The following KATNA1 variants were observed in gnomAD, a reference collection of about 807,000 sequenced individuals.
KATNA1 encodes the protein katanin catalytic subunit A1, also known as katanin p60 ATPase-containing subunit A1.
Under a neutral mutation model 62.6 loss-of-function variants are expected in KATNA1, and 42 were observed. The observed-to-expected ratio is 0.67, with a 90% CI of 0.52 to 0.87. The LOEUF (loss-of-function observed/expected upper bound fraction) is 0.87, where lower values mean the gene tolerates loss of function less well. Ranked by LOEUF, KATNA1 falls within the 40% of genes least tolerant of loss-of-function variation. The pLI is 0.00. For synonymous variants in KATNA1, 186 were observed against 201.9 expected (o/e 0.92, Z 0.67); for missense variants, 498 against 612.5 (o/e 0.81, Z 1.97).
chr6:149,605,105 A>G (rs1363065179), intron 4 of KATNA1, among the ~76,000 whole-genome samples: 1 of 151,856 alleles, frequency 6.6e-6, no homozygotes, highest in African/African-American at 2.4e-5. Context: ...CCCGGGAGGC[A>G]GAGCTTGCAG....
intron 2 of KATNA1, among the ~76,000 whole-genome samples, chr6:149,633,121 G>A (rs1182906846): frequency 6.6e-5 from 2 of 30,166 alleles, no homozygotes; most frequent in Non-Finnish European, 1.3e-4. Flanking sequence ...TTTTTTTTTT[G>A]GAGATGGAGT....
chr6:149,618,334 C>T (rs111859921), intron 4 of KATNA1, among the ~76,000 whole-genome samples: 4,172 of 151,260 alleles, frequency 0.028, 167 homozygotes, highest in African/African-American at 0.095. Context: ...AAAAATTAGC[C>T]GGGCATGGTA....
chr6:149,617,388 A>G (rs1052227649), intron 4 of KATNA1, among the ~76,000 whole-genome samples: 8 of 152,256 alleles, frequency 5.3e-5, no homozygotes, highest in African/African-American at 1.9e-4. Flanking sequence ...TTGAATTTCT[A>G]TAGCTTAACA....
intron 4 of KATNA1, among the ~76,000 whole-genome samples, chr6:149,614,557 A>G (rs1447607539): frequency 1.3e-5 from 2 of 152,138 alleles, no homozygotes; most frequent in East Asian, 1.9e-4. Flanking sequence ...AGGATTGCTT[A>G]AGGCCAGGAT....
At position 149,603,380 on chromosome 6, in the gene KATNA1, G is replaced by A. The variant is rs976482081; in HGVS notation, c.624-7C>T. On this transcript the variant is annotated splice_polypyrimidine_tract_variant and splice_region_variant and intron_variant, in intron 5 of 10. Coordinates refer to ENST00000367411, the MANE Select transcript of KATNA1 (RefSeq NM_007044.4). ...TAAATCAGCGATATCATCCCTGAAA[G>A]AGAAGACATTTTATTAACAACCCTT... 8 of 1,417,802 alleles carry A rather than the reference G, an allele frequency of 5.6e-6. No homozygotes were observed. Among genetic ancestry groups the A allele is most frequent in the Non-Finnish European group, 7.9e-6 (8 of 1,007,460 alleles). 87.8% of individuals were successfully genotyped at this position (1,417,802 alleles called of 1,614,324 possible).
chr6:149,638,733 T>TTG, intron 1 of KATNA1, 173 bp from the exon 2 acceptor site: 1 of 330,604 alleles, frequency 3.0e-6, no homozygotes, highest in Non-Finnish European at 5.4e-6. Flanking sequence ...AAACATTGTT[T>TTG]TTTTTTTTTT....
chr6:149,598,459 T>A, intron 7 of KATNA1, 109 bp from the exon 8 acceptor site: 1 of 1,067,492 alleles, frequency 9.4e-7, no homozygotes, highest in Non-Finnish European at 1.4e-6. Context: ...GCACAGTGGC[T>A]CACACCTGTA....
At chr6:149,600,023 G>C (rs2115079166) in intron 7 of KATNA1, among the ~76,000 whole-genome samples, 1 of 152,076 alleles carries the variant, frequency 6.6e-6, no homozygotes, top group African/African-American at 2.4e-5. Context: ...ACTTTGCTGA[G>C]AGTTCATTAC....
intron 1 of KATNA1, among the ~76,000 whole-genome samples, chr6:149,641,468 G>T (rs934512317): frequency 2.6e-5 from 4 of 151,726 alleles, no homozygotes; most frequent in Admixed American, 2.6e-4. Flanking sequence ...GAGCCACAGC[G>T]CCTGGCCTGC....
intron 7 of KATNA1, among the ~76,000 whole-genome samples, chr6:149,601,353 G>C (rs1289291392): frequency 6.6e-6 from 1 of 152,076 alleles, no homozygotes; most frequent in Admixed American, 6.6e-5. Flanking sequence ...TAGTAATGCA[G>C]ATCCCATAAT....
chr6:149,633,452 G>T (rs928853145), intron 2 of KATNA1, among the ~76,000 whole-genome samples: 1 of 152,020 alleles, frequency 6.6e-6, no homozygotes, highest in African/African-American at 2.4e-5. Context: ...AAACATCCAG[G>T]ATAGGAAACA....
In KATNA1 at chr6:149,595,061, C is replaced by G. The variant is rs1231348731; in HGVS notation, c.1451G>C (p.Trp484Ser). 6.2e-7 allele frequency: 1 copy of G among 1,613,836 alleles called. No homozygotes were observed. Among genetic ancestry groups the G allele is most frequent in the Non-Finnish European group, 8.5e-7 (1 of 1,179,876 alleles). Residue 484 changes from tryptophan to serine, a missense_variant, in exon 11 of 11, where the codon TGG becomes TCG. Coordinates refer to ENST00000367411, the MANE Select transcript of KATNA1 (RefSeq NM_007044.4). ...TTAGCATGATCCAAACTCAAATATC[C>G]ATTTCTCGTATCTTTCAATGTCTGC... ...SAADIERYEKWIFEFGSC is the reference protein window; with the variant it reads ...SAADIERYEKSIFEFGSC
chr6:149,599,582 T>C (rs1231696010), intron 7 of KATNA1, among the ~76,000 whole-genome samples: 1 of 110,094 alleles, frequency 9.1e-6, no homozygotes, highest in African/African-American at 2.9e-5. Flanking sequence ...CCCTCTCCCC[T>C]CTCCCTCTCT....
chr6:149,609,452 C>A (rs1214988397), intron 4 of KATNA1, among the ~76,000 whole-genome samples: 3 of 151,798 alleles, frequency 2.0e-5, no homozygotes, highest in Non-Finnish European at 4.4e-5. Context: ...CTTTGGGAGG[C>A]CAAGGTGGCA....
chr6:149,595,970 A>G (rs946401612), intron 10 of KATNA1, among the ~76,000 whole-genome samples: 1 of 152,172 alleles, frequency 6.6e-6, no homozygotes, highest in African/African-American at 2.4e-5. Flanking sequence ...GGATAAGTTC[A>G]CTGAGAATGA....
chr6:149,635,404 GTA>G (rs1231904951), intron 2 of KATNA1, among the ~76,000 whole-genome samples: 2 of 152,224 alleles, frequency 1.3e-5, no homozygotes, highest in Non-Finnish European at 2.9e-5. Context: ...CCACTGAACT[GTA>G]TACTTAAAAA....
chr6:149,628,700 G>C (rs1429980052), intron 3 of KATNA1, among the ~76,000 whole-genome samples: 2 of 151,668 alleles, frequency 1.3e-5, no homozygotes, highest in Non-Finnish European at 2.9e-5. Flanking sequence ...CACACCTGTA[G>C]TCCCAGCTAC....
intron 1 of KATNA1, among the ~76,000 whole-genome samples, chr6:149,647,753 A>T (rs1188316556): frequency 6.6e-6 from 1 of 152,154 alleles, no homozygotes; most frequent in African/African-American, 2.4e-5. Flanking sequence ...GGAAGACGTA[A>T]ATTAGTGCTT....
At chr6:149,595,589 G>A (rs972551485) in intron 10 of KATNA1, among the ~76,000 whole-genome samples, 1 of 151,716 alleles carries the variant, frequency 6.6e-6, no homozygotes, top group Admixed American at 6.6e-5. Context: ...CTGTTAACAA[G>A]AAAATTAAAT....
Sources: gnomAD v4.1 joint callset for allele counts (sites outside exome capture counted in the v4.1 genomes callset) on GRCh38, gnomAD v4.1.1 for gene constraint, MANE v1.5 for transcripts, NCBI Gene and HGNC (gene_info 2026-07-23, HGNC 2026-07-21) for gene names.